CFAP54: variants seen among roughly 807,000 people sequenced by gnomAD.
CFAP54 encodes cilia- and flagella-associated protein 54.
A neutral mutation model predicts 370.4 loss-of-function variants in CFAP54; 290 were observed. The observed-to-expected ratio is 0.78, with a 90% CI of 0.71 to 0.86. The LOEUF (loss-of-function observed/expected upper bound fraction) is 0.86, where lower values mean the gene tolerates loss of function less well. Ranked by LOEUF, CFAP54 falls within the 40% of genes least tolerant of loss-of-function variation. The probability of loss-of-function intolerance (pLI) is 0.00; values close to 1 mark genes in which losing one functional copy is unlikely to be tolerated. For synonymous variants in CFAP54, 1,206 were observed against 1,236.5 expected (o/e 0.98, Z 0.52); for missense variants, 3,399 against 3,528.7 (o/e 0.96, Z 0.93).
In CFAP54 at chr12:96,700,870, A is replaced by T. The variant is rs114868184; in HGVS notation, c.6474+777A>T. 9.7e-3 allele frequency among the ~76,000 whole-genome samples: 1,477 copies of T among 152,256 alleles called. 30 individuals are homozygous for T. Among genetic ancestry groups the T allele is most frequent in the African/African-American group, 0.034 (1,407 of 41,542 alleles). ...TGTGTGTGTGAGGAGTGAGACTGAT[A>T]GGCACAATACCAGCTGGTTGGATTC... On this transcript the variant is annotated intron_variant, in intron 46 of 67. Transcript: ENST00000524981.
chr12:96,603,474 C>T (rs920157712), intron 26 of CFAP54, among the ~76,000 whole-genome samples: 2 of 152,138 alleles, frequency 1.3e-5, no homozygotes. Flanking sequence ...GTGGCGTTCT[C>T]TGTATTTCCT....
At chr12:96,589,703 G>T (rs1033299613) in intron 23 of CFAP54, 140 bp downstream of exon 23, 2 of 608,570 alleles carry the variant, frequency 3.3e-6, no homozygotes, top group Non-Finnish European at 2.8e-6. Flanking sequence ...TGTAATAAGA[G>T]TATGCATTGC....
intron 36 of CFAP54, among the ~76,000 whole-genome samples, chr12:96,654,781 T>A (rs1956903512): frequency 6.6e-6 from 1 of 151,588 alleles, no homozygotes; most frequent in South Asian, 2.1e-4. Flanking sequence ...CTGCCACATG[T>A]AAGTGAGAGC....
chr12:96,826,042 T>C (rs1425586531), intron 65 of CFAP54, among the ~76,000 whole-genome samples: 1 of 144,814 alleles, frequency 6.9e-6, no homozygotes, highest in African/African-American at 2.5e-5. Context: ...TAATATATTA[T>C]ATATATTTTA....
chr12:96,609,287 T>C (rs1177873308), intron 26 of CFAP54, among the ~76,000 whole-genome samples: 1 of 152,072 alleles, frequency 6.6e-6, no homozygotes, highest in African/African-American at 2.4e-5. Flanking sequence ...AAAAATTGAG[T>C]CTGAATTAAA....
chr12:96,706,676 C>G (rs1293915003), intron 47 of CFAP54, among the ~76,000 whole-genome samples: 2 of 152,098 alleles, frequency 1.3e-5, no homozygotes, highest in Non-Finnish European at 2.9e-5. Context: ...ATTACTTTTC[C>G]TAATCTGTTG....
intron 36 of CFAP54, among the ~76,000 whole-genome samples, chr12:96,656,304 C>T (rs1007206377): frequency 2.6e-5 from 4 of 151,858 alleles, no homozygotes; most frequent in Non-Finnish European, 5.9e-5. Flanking sequence ...ATTCTCTCCC[C>T]CCCCCTCCCC....
At chr12:96,518,409 G>A (rs758690467) in intron 5 of CFAP54, among the ~76,000 whole-genome samples, 15 of 152,200 alleles carry the variant, frequency 9.9e-5, no homozygotes, top group Non-Finnish European at 1.3e-4. Flanking sequence ...AAGACAGGCC[G>A]GGTGCAGTGG....
intron 57 of CFAP54, among the ~76,000 whole-genome samples, chr12:96,757,039 T>C (rs1447019307): frequency 6.6e-6 from 1 of 152,232 alleles, no homozygotes; most frequent in Non-Finnish European, 1.5e-5. Flanking sequence ...ACAGATTTGA[T>C]AGTGAATACA....
chr12:96,512,026 T>G (rs189787117), intron 4 of CFAP54, among the ~76,000 whole-genome samples: 1 of 152,062 alleles, frequency 6.6e-6, no homozygotes, highest in East Asian at 1.9e-4. Flanking sequence ...CTATCCTCTT[T>G]TAATTAATGG....
chr12:96,743,032 C>G (rs190403069), intron 52 of CFAP54, among the ~76,000 whole-genome samples: 2 of 152,284 alleles, frequency 1.3e-5, no homozygotes, highest in Admixed American at 6.5e-5. Flanking sequence ...GGATTATTGT[C>G]AGAATTAAAT....
intron 19 of CFAP54, chr12:96,572,998 T>A: frequency 1.0e-6 from 1 of 985,378 alleles, no homozygotes; most frequent in Non-Finnish European, 1.2e-6. Flanking sequence ...CCAAGGCAAA[T>A]TTTGAGATCA....
chr12:96,736,737 G>T (rs1430735029), intron 50 of CFAP54, among the ~76,000 whole-genome samples: 2 of 152,186 alleles, frequency 1.3e-5, no homozygotes, highest in African/African-American at 2.4e-5. Flanking sequence ...CAAGGCAAAA[G>T]GCATTGAACT....
chr12:96,625,895 G>A, intron 29 of CFAP54, 88 bp downstream of exon 29: 1 of 1,025,914 alleles, frequency 9.7e-7, no homozygotes, highest in Middle Eastern at 2.1e-4. Flanking sequence ...TTGTCTGCTT[G>A]AAGATTTCAC....
chr12:96,784,367 T>A (rs1366639642), intron 60 of CFAP54, among the ~76,000 whole-genome samples: 1 of 152,154 alleles, frequency 6.6e-6, no homozygotes, highest in Non-Finnish European at 1.5e-5. Flanking sequence ...AAAATTTTGG[T>A]CACTTGGGTT....
intron 45 of CFAP54, among the ~76,000 whole-genome samples, chr12:96,694,216 C>A (rs577209563): frequency 7.2e-5 from 11 of 152,250 alleles, no homozygotes; most frequent in African/African-American, 2.4e-4. Context: ...TTAACAAGAT[C>A]AGATAGATGC....
At chr12:96,874,965 G>A (rs182748657) in intron 67 of CFAP54, among the ~76,000 whole-genome samples, 153 bp from the exon 68 acceptor site, 88 of 152,174 alleles carry the variant, frequency 5.8e-4, no homozygotes, top group African/African-American at 2.0e-3. Context: ...GGCATTCAGC[G>A]TTAGTGACTC....
chr12:96,832,900 G>A (rs910211952), intron 66 of CFAP54, among the ~76,000 whole-genome samples: 1 of 152,168 alleles, frequency 6.6e-6, no homozygotes, highest in Non-Finnish European at 1.5e-5. Flanking sequence ...ACAGTACTGG[G>A]ATAGTAAATG....
At chr12:96,656,946 T>C (rs1338449038) in intron 36 of CFAP54, among the ~76,000 whole-genome samples, 1 of 152,244 alleles carries the variant, frequency 6.6e-6, no homozygotes, top group Admixed American at 6.5e-5. Context: ...CTACACCTGC[T>C]ATTCTTACCT....
Sources: allele counts gnomAD v4.1 joint callset (sites outside exome capture counted in the v4.1 genomes callset), GRCh38; gene constraint gnomAD v4.1.1; transcripts MANE v1.5; gene names NCBI Gene and HGNC (gene_info 2026-07-23, HGNC 2026-07-21).